The following NLRP14 variants were observed in gnomAD, a reference collection of about 807,000 sequenced individuals.
NLRP14 encodes the protein NACHT, LRR and PYD domains-containing protein 14.
A neutral mutation model predicts 94.7 loss-of-function variants in NLRP14; 105 were observed. The ratio of observed to expected loss-of-function variants is 1.11; its 90% CI spans 0.95 to 1.30. The LOEUF is 1.30. Ranked by LOEUF, NLRP14 falls within the 50% of genes most tolerant of loss-of-function variation. NLRP14 has a pLI of 0.00. For synonymous variants in NLRP14, 508 were observed against 459.9 expected, an observed-to-expected ratio of 1.10 and a Z score of -1.34; for missense variants, 1,362 against 1,254.1, an observed-to-expected ratio of 1.09 and a Z score of -1.30.
At chr11:7,081,397 G>T in the NLRP14 span, among the ~76,000 whole-genome samples, 1 of 152,134 alleles carries the variant, frequency 6.6e-6, no homozygotes, top group Non-Finnish European at 1.5e-5. Flanking sequence ...CCCAAGATGG[G>T]CATTTTGAGC....
intron 1 of NLRP14, among the ~76,000 whole-genome samples, chr11:7,037,344 A>G (rs920695429): frequency 6.6e-6 from 1 of 152,208 alleles, no homozygotes; most frequent in African/African-American, 2.4e-5. Context: ...ATATGTTTCG[A>G]GACAATTCAC....
At chr11:7,054,355 T>C (rs1275280996) in intron 6 of NLRP14, among the ~76,000 whole-genome samples, 1 of 152,168 alleles carries the variant, frequency 6.6e-6, no homozygotes, top group Non-Finnish European at 1.5e-5. Context: ...ACGGTAGCTC[T>C]AGTTTTGGTT....
chr11:7,055,902 A>T (rs944390239), intron 6 of NLRP14, among the ~76,000 whole-genome samples: 5 of 152,058 alleles, frequency 3.3e-5, no homozygotes, highest in African/African-American at 9.7e-5. Context: ...TGGTAGCACT[A>T]TTAAGAGGAA....
chr11:7,054,211 T>C (rs998908394), intron 6 of NLRP14, among the ~76,000 whole-genome samples: 1 of 152,208 alleles, frequency 6.6e-6, no homozygotes, highest in African/African-American at 2.4e-5. Context: ...CACCTTTTGA[T>C]GGACATTTAG....
intron 1 of NLRP14, among the ~76,000 whole-genome samples, chr11:7,035,248 G>T (rs1852145316): frequency 6.6e-6 from 1 of 152,172 alleles, no homozygotes; most frequent in Admixed American, 6.5e-5. Context: ...TTGAACCCAG[G>T]AGGGAAGGCA....
downstream of NLRP14, among the ~76,000 whole-genome samples, chr11:7,074,908 G>A (rs750319898): frequency 2.0e-5 from 3 of 152,188 alleles, no homozygotes; most frequent in Non-Finnish European, 4.4e-5. Flanking sequence ...TATATAAGGT[G>A]AACATTTGAA....
Position 7,038,750 on chromosome 11 carries a change from G to T in NLRP14, c.164G>T (p.Arg55Leu). The T allele has an allele frequency of 6.2e-7, 1 of 1,613,782 alleles. No individual in the cohort carries two copies. ...TPWNEVKKAR[R>L]EDLANLMKKY... is the part of the protein sequence containing the mutation. ...TGGAATGAAGTGAAGAAGGCCAGGC[G>T]GGAGGACCTGGCCAATTTGATGAAG... Residue 55 changes from arginine (R) to leucine (L), a missense_variant, in exon 2 of 12, where the codon CGG (arginine) becomes CTG (leucine). Arg to Leu is a moderately radical substitution (Grantham distance 102). Transcript: ENST00000299481.
In NLRP14 at chr11:7,043,121, G is replaced by A. The variant is rs750614560; in HGVS notation, c.1095G>A (p.Met365Ile). ...SLKSNEMLFS[M>I]CQVPLVCWAA... ...AAAGCAATGAGATGCTGTTTAGCAT[G>A]TGCCAAGTCCCCCTAGTGTGCTGGG... Residue 365 changes from methionine (M) to isoleucine (I), a missense_variant, in exon 4 of 12, where the codon ATG (methionine) becomes ATA (isoleucine). Transcript: ENST00000299481. 9 of 1,614,086 alleles carry A rather than the reference G, an allele frequency of 5.6e-6. No individual in the cohort carries two copies. Among genetic ancestry groups the A allele is most frequent in the Non-Finnish European group, 6.8e-6 (8 of 1,180,032 alleles).
chr11:7,074,238 TG>T (rs1852843374), downstream of NLRP14, among the ~76,000 whole-genome samples: 1 of 152,198 alleles, frequency 6.6e-6, no homozygotes, highest in African/African-American at 2.4e-5. Context: ...CGTGAAAATT[TG>T]CAAGTAATGT....
chr11:7,025,758 C>A (rs2080119934), intron 1 of NLRP14, among the ~76,000 whole-genome samples: 3 of 152,002 alleles, frequency 2.0e-5, no homozygotes, highest in Non-Finnish European at 4.4e-5. Flanking sequence ...ATTTTGATAA[C>A]AGGTACAATT....
intron 1 of NLRP14, among the ~76,000 whole-genome samples, chr11:7,028,210 T>C (rs1444724758): frequency 6.6e-6 from 1 of 152,218 alleles, no homozygotes. Context: ...ACCAAAAATG[T>C]ACTCCTGAAA....
chr11:7,043,899 T>C lies in NLRP14; in HGVS notation c.1873T>C (p.Cys625Arg). The C allele has an allele frequency of 6.2e-7, 1 of 1,614,160 alleles. No homozygotes were observed. The highest frequency in any genetic ancestry group is 8.5e-7 in the Non-Finnish European group (1 of 1,179,964). ...LLVSSFCLKH[C>R]RCLRTIRLSV... ...TGTATCTTCTTTCTGCCTTAAGCACTGCCGGTGTTTGCGGACCATCAGGCT... is the reference window on the plus strand; with the variant it reads ...TGTATCTTCTTTCTGCCTTAAGCACCGCCGGTGTTTGCGGACCATCAGGCT... The change falls in exon 4 of 12, where the codon TGC becomes CGC. Residue 625 changes from cysteine (C) to arginine (R), a missense_variant. Cys to Arg is a radical substitution (Grantham distance 180, BLOSUM62 -3). Coordinates refer to ENST00000299481, the MANE Select transcript of NLRP14 (RefSeq NM_176822.4).
chr11:7,024,931 T>C (rs369170794), intron 1 of NLRP14, among the ~76,000 whole-genome samples: 8 of 152,020 alleles, frequency 5.3e-5, no homozygotes, highest in African/African-American at 1.9e-4. Context: ...AAAAAGATGA[T>C]AGGCTTAAAT....
At chr11:7,058,061 T>G (rs552012593) in intron 7 of NLRP14, among the ~76,000 whole-genome samples, 1 of 152,098 alleles carries the variant, frequency 6.6e-6, no homozygotes, top group South Asian at 2.1e-4. Flanking sequence ...GACCTCTTTA[T>G]TTTCATTCTT....
At chr11:7,026,349 A>G (rs888941079) in intron 1 of NLRP14, among the ~76,000 whole-genome samples, 2 of 152,266 alleles carry the variant, frequency 1.3e-5, no homozygotes, top group Non-Finnish European at 2.9e-5. Flanking sequence ...GGCAAAGGAT[A>G]TGAACAGACA....
rs993227314 is a variant in NLRP14 at position 7,071,431 on chromosome 11, G to A, written c.*123G>A. The A allele has an allele frequency of 6.7e-6, 5 of 741,776 alleles. No homozygotes were observed. In the African/African-American group the frequency reaches 8.8e-5, roughly 13 times the overall value. The allele number at this position is 741,776 out of a possible 1,614,324, so 45.9% of individuals were successfully genotyped here. A position where few individuals can be genotyped will look rare whatever the true frequency, so the allele number is the denominator to read the frequency against. On this transcript the variant is annotated 3_prime_UTR_variant, in exon 12 of 12. Transcript: ENST00000299481. ...CCCAGAGATAGTGCACTTGGCAGCTGTCAGATACCATTCATCTACTTCTCT... is the reference window on the plus strand; with the variant it reads ...CCCAGAGATAGTGCACTTGGCAGCTATCAGATACCATTCATCTACTTCTCT...
chr11:7,089,599 C>T, the NLRP14 span: 3 of 1,187,794 alleles, frequency 2.5e-6, no homozygotes. Flanking sequence ...GTCGGCCCAC[C>T]CCCCAAGAGG....
chr11:7,027,990 C>T (rs995973566), intron 1 of NLRP14, among the ~76,000 whole-genome samples: 1 of 152,092 alleles, frequency 6.6e-6, no homozygotes, highest in African/African-American at 2.4e-5. Flanking sequence ...AGGTCTGCTC[C>T]CTCTCTGTGA....
the NLRP14 span, chr11:7,089,380 C>A: frequency 6.2e-7 from 1 of 1,603,250 alleles, no homozygotes; most frequent in Non-Finnish European, 8.5e-7. Flanking sequence ...GCCACCAAAC[C>A]GGCGTTCGAG....
Sources: allele counts gnomAD v4.1 joint callset (sites outside exome capture counted in the v4.1 genomes callset), GRCh38; gene constraint gnomAD v4.1.1; transcripts MANE v1.5; gene names NCBI Gene and HGNC (gene_info 2026-07-23, HGNC 2026-07-21).